Variants in IARS2 observed in about 807,000 individuals in gnomAD.
IARS2 encodes isoleucine--tRNA ligase, mitochondrial.
IARS2 carries 56 observed loss-of-function variants against 126.3 expected under a neutral mutation model. That is an observed-to-expected ratio of 0.44 (90% confidence interval 0.36 to 0.55). The LOEUF (loss-of-function observed/expected upper bound fraction) is 0.55, where lower values mean the gene tolerates loss of function less well. Among genes scored for constraint, IARS2 ranks in the 20% least tolerant of loss-of-function variants. The pLI, the probability that IARS2 is intolerant of heterozygous loss-of-function variation, is 0.00. For synonymous variants in IARS2, 407 were observed against 441.1 expected (o/e 0.92, Z 0.97); for missense variants, 1,127 against 1,245.9 (o/e 0.90, Z 1.44).
intron 2 of IARS2, 30 bp from the exon 3 acceptor site, chr1:220,100,460 T>C (rs1170049777): frequency 2.0e-6 from 3 of 1,517,200 alleles, no homozygotes; most frequent in Non-Finnish European, 2.7e-6. Flanking sequence ...ATTTTATGTA[T>C]GAATGATAAT....
intron 14 of IARS2, among the ~76,000 whole-genome samples, chr1:220,130,018 T>G (rs990067930): frequency 2.0e-5 from 3 of 152,188 alleles, no homozygotes; most frequent in Non-Finnish European, 4.4e-5. Flanking sequence ...TTGCCATCAT[T>G]TGTTACTTTC....
intron 10 of IARS2, among the ~76,000 whole-genome samples, chr1:220,109,673 A>C (rs573086777): frequency 6.6e-6 from 1 of 152,174 alleles, no homozygotes; most frequent in Non-Finnish European, 1.5e-5. Context: ...TCTTCTTTCT[A>C]TCCTCCTCTA....
chr1:220,095,476 A>C (rs1656419421), intron 1 of IARS2, among the ~76,000 whole-genome samples: 1 of 152,248 alleles, frequency 6.6e-6, no homozygotes, highest in Admixed American at 6.5e-5. Flanking sequence ...GAGTTCATCT[A>C]ATTTTTTAAA....
At chr1:220,140,351 A>C in intron 19 of IARS2, 62 bp downstream of exon 19, 1 of 1,021,166 alleles carries the variant, frequency 9.8e-7, no homozygotes, top group Non-Finnish European at 1.5e-6. Context: ...CACGCCTGTA[A>C]TCCCAGCACT....
Position 220,147,691 on chromosome 1 carries a change from A to T in IARS2, c.*56A>T, listed in dbSNP as rs1002072310. ...CTGACAGTACTGGCTAGAAGTTTGG[A>T]TGGATTATTTACAATATAGGAAAGA... On this transcript the variant is annotated 3_prime_UTR_variant, in exon 23 of 23. Coordinates refer to ENST00000366922, the MANE Select transcript of IARS2 (RefSeq NM_018060.4). 2 of 1,575,956 alleles carry T rather than the reference A, an allele frequency of 1.3e-6. No homozygotes were observed. The highest frequency in any genetic ancestry group is 3.5e-5 in the Admixed American group (2 of 56,874).
chr1:220,145,411 T>G, intron 21 of IARS2, 98 bp from the exon 22 acceptor site: 3 of 1,078,908 alleles, frequency 2.8e-6, no homozygotes, highest in Non-Finnish European at 3.9e-6. Flanking sequence ...ACCAGAAGGT[T>G]CCTCTCTAAA....
Position 220,138,016 on chromosome 1 carries a change from C to G in IARS2, c.2148C>G (p.Leu716=). The change falls in exon 17 of 23, where the codon CTC becomes CTG. Residue 716 remains leucine, a synonymous_variant. Coordinates refer to ENST00000366922, the MANE Select transcript of IARS2 (RefSeq NM_018060.4). The part of the protein sequence containing the change: ...FTEVAIGPSV[L]NAARDDISKL... ...AAGTTGCAATTGGCCCATCCGTGCTCAATGCTGCCAGAGATGATATTAGCA... is the reference window on the plus strand; with the variant it reads ...AAGTTGCAATTGGCCCATCCGTGCTGAATGCTGCCAGAGATGATATTAGCA... The G allele has an allele frequency of 6.2e-7, 1 of 1,614,034 alleles. No individual in the cohort carries two copies. Among genetic ancestry groups the G allele is most frequent in the Non-Finnish European group, 8.5e-7 (1 of 1,179,976 alleles).
rs750379594 is a variant in IARS2, at chr1:220,126,757, G to A, written c.1751G>A (p.Gly584Asp). 1 of 1,612,178 alleles carries A rather than the reference G, an allele frequency of 6.2e-7. No homozygotes were observed. Among genetic ancestry groups the A allele is most frequent in the Non-Finnish European group, 8.5e-7 (1 of 1,179,086 alleles). Residue 584 changes from glycine to aspartate, a missense_variant, in exon 14 of 23, where the codon GGC becomes GAC. Physicochemically the swap from Gly to Asp is moderately conservative, Grantham distance 94. Coordinates refer to ENST00000366922, the MANE Select transcript of IARS2 (RefSeq NM_018060.4). ...TTTGCATTATCTTACTAGGTTGGTG[G>A]CCCTGATGCCTTGGAATATGTGCCA... ...LPKEVLSEVGGPDALEYVPGQ... is the reference protein window; with the variant it reads ...LPKEVLSEVGDPDALEYVPGQ...
At chr1:220,138,304 C>T (rs1415865044) in intron 17 of IARS2, among the ~76,000 whole-genome samples, 1 of 152,068 alleles carries the variant, frequency 6.6e-6, no homozygotes, top group Non-Finnish European at 1.5e-5. Context: ...AACCCTGTCT[C>T]TACTAAAAAT....
intron 14 of IARS2, among the ~76,000 whole-genome samples, chr1:220,133,851 CTT>C (rs1279541647): frequency 6.6e-6 from 1 of 151,790 alleles, no homozygotes; most frequent in Non-Finnish European, 1.5e-5. Flanking sequence ...TGGATAGTCT[CTT>C]AACATAACCA....
At chr1:220,098,445 T>C (rs1656498694) in intron 2 of IARS2, among the ~76,000 whole-genome samples, 1 of 152,188 alleles carries the variant, frequency 6.6e-6, no homozygotes, top group African/African-American at 2.4e-5. Flanking sequence ...TCTAAAATGG[T>C]ACCACCCCCA....
chr1:220,144,193 G>A (rs1460353437), intron 21 of IARS2: 2 of 786,124 alleles, frequency 2.5e-6, no homozygotes, highest in Admixed American at 1.7e-5. Flanking sequence ...GTGACCATCA[G>A]TGATTTCAAA....
chr1:220,108,621 G>A (rs199756661), intron 10 of IARS2, among the ~76,000 whole-genome samples: 3 of 151,920 alleles, frequency 2.0e-5, no homozygotes, highest in East Asian at 1.9e-4. Context: ...TCCTGACCTC[G>A]TGATCCACCT....
intron 17 of IARS2, 22 bp from the exon 18 acceptor site, chr1:220,138,986 T>C: frequency 6.3e-7 from 1 of 1,595,548 alleles, no homozygotes; most frequent in Non-Finnish European, 8.5e-7. Context: ...TTTAACTGCA[T>C]ATTTTTTCTT....
chr1:220,108,604 C>G (rs1283250548), intron 10 of IARS2, among the ~76,000 whole-genome samples: 5 of 152,050 alleles, frequency 3.3e-5, no homozygotes, highest in Non-Finnish European at 7.4e-5. Flanking sequence ...CCAGGACGGT[C>G]TCGATCTCCT....
In IARS2 at chr1:220,147,782, T is replaced by TAGA. The variant is rs139390735; in HGVS notation, c.*153_*155dup. 1,103 of 688,610 alleles carry TAGA rather than the reference T, an allele frequency of 1.6e-3. 22 individuals carry two copies. In the East Asian group the frequency reaches 0.026, roughly 16 times the overall value. The allele number at this position is 688,610 out of a possible 1,614,324, so 42.7% of individuals were successfully genotyped here. A position where few individuals can be genotyped will look rare whatever the true frequency, so the allele number is the denominator to read the frequency against. On this transcript the variant is annotated 3_prime_UTR_variant, in exon 23 of 23. Coordinates refer to ENST00000366922, the MANE Select transcript of IARS2 (RefSeq NM_018060.4). ...AGGATGGGAGTCAAAATCAGAATTATAGAAGAAGTATTTCCTGTAACTATA... is the reference window on the plus strand; with the variant it reads ...AGGATGGGAGTCAAAATCAGAATTATAGAAGAAGAAGTATTTCCTGTAACTATA...
intron 10 of IARS2, among the ~76,000 whole-genome samples, chr1:220,108,825 T>C (rs1656737111): frequency 6.6e-6 from 1 of 151,222 alleles, no homozygotes; most frequent in South Asian, 2.1e-4. Context: ...AGCCACCTTC[T>C]TTAGGTCTTA....
intron 1 of IARS2, 149 bp downstream of exon 1, chr1:220,094,632 A>G: frequency 6.1e-6 from 4 of 658,040 alleles, no homozygotes; most frequent in South Asian, 2.0e-5. Flanking sequence ...TGCTTCGCAC[A>G]GATTTTGTGG....
rs1349933221 is a variant in IARS2 at position 220,112,186 on chromosome 1, C to T, written c.1479+1249C>T. ...TCTGTCGCCCAGGTCGGACTGCGGA[C>T]TGCAGTGGCGCAATCTCGGCTCACT... On this transcript the variant is annotated intron_variant, in intron 11 of 22. Transcript: ENST00000366922. Among the ~76,000 whole-genome samples the T allele has an allele frequency of 3.5e-5, 2 of 57,896 alleles. 1 individual carries two copies. The highest frequency in any genetic ancestry group is 1.6e-4 in the African/African-American group (2 of 12,556). 38.0% of individuals were successfully genotyped at this position (57,896 alleles called of 152,430 possible).
Sources: allele counts gnomAD v4.1 joint callset (sites outside exome capture counted in the v4.1 genomes callset), GRCh38; gene constraint gnomAD v4.1.1; transcripts MANE v1.5; gene names NCBI Gene and HGNC (gene_info 2026-07-23, HGNC 2026-07-21).